C5orf63: variants seen among roughly 807,000 people sequenced by gnomAD.
C5orf63 encodes the protein chromosome 5 open reading frame 63.
C5orf63 carries 18 observed loss-of-function variants against 13.3 expected under a neutral mutation model. The ratio of observed to expected loss-of-function variants is 1.36; its 90% CI spans 0.94 to 2.01. The LOEUF (loss-of-function observed/expected upper bound fraction) is 2.01, where lower values mean the gene tolerates loss of function less well. Among genes scored for constraint, C5orf63 ranks in the 30% most tolerant of loss-of-function variants. C5orf63 has a pLI of 0.00. For synonymous variants in C5orf63, 38 were observed against 44.7 expected, an observed-to-expected ratio of 0.85 and a Z score of 0.60; for missense variants, 118 against 127.7, an observed-to-expected ratio of 0.92 and a Z score of 0.36.
intron 2 of C5orf63, among the ~76,000 whole-genome samples, chr5:127,066,131 A>T (rs1181839159): frequency 2.0e-5 from 3 of 152,196 alleles, no homozygotes; most frequent in Non-Finnish European, 4.4e-5. Context: ...ATTGAAAGAA[A>T]CAGAAAAGAT....
intron 3 of C5orf63, among the ~76,000 whole-genome samples, chr5:127,056,020 T>C (rs1025846823): frequency 1.3e-5 from 2 of 152,214 alleles, no homozygotes; most frequent in African/African-American, 4.8e-5. Context: ...TGTTATTTAC[T>C]CTGTCCCTAA....
chr5:127,047,919 T>C (rs1580521637), downstream of C5orf63: 1 of 679,376 alleles, frequency 1.5e-6, no homozygotes, highest in Non-Finnish European at 2.7e-6. Context: ...AGGGTTGCTA[T>C]GGGAGAAAGA....
At chr5:127,047,613 CT>C (rs1413280401), downstream of C5orf63, 8 of 663,444 alleles carry the variant, frequency 1.2e-5, no homozygotes, top group East Asian at 1.4e-4. Context: ...TATGGGATAC[CT>C]TCAGAAAGCA....
At chr5:127,061,248 C>A (rs1420524478) in intron 2 of C5orf63, among the ~76,000 whole-genome samples, 1 of 152,162 alleles carries the variant, frequency 6.6e-6, no homozygotes, top group Non-Finnish European at 1.5e-5. Context: ...TAATTAAATG[C>A]TAATCTTCAC....
rs576352947 is a variant in C5orf63 at position 127,051,767 on chromosome 5, T to G, written c.*4A>C. The G allele has an allele frequency of 6.7e-7, 1 of 1,496,088 alleles. No homozygotes were observed. Among genetic ancestry groups the G allele is most frequent in the East Asian group, 2.5e-5 (1 of 40,388 alleles). 92.7% of individuals were successfully genotyped at this position (1,496,088 alleles called of 1,614,324 possible). ...GAGAGGGTGGAAAATCATGAGGGCATCAGTCAGCCTCCAGTACTTTGCTGC... is the reference window on the plus strand; with the variant it reads ...GAGAGGGTGGAAAATCATGAGGGCAGCAGTCAGCCTCCAGTACTTTGCTGC... On this transcript the variant is annotated 3_prime_UTR_variant, in exon 5 of 5. Transcript: ENST00000296662.
At chr5:127,067,549 C>T (rs893324562) in intron 2 of C5orf63, among the ~76,000 whole-genome samples, 1 of 152,160 alleles carries the variant, frequency 6.6e-6, no homozygotes, top group African/African-American at 2.4e-5. Flanking sequence ...GACTGACTAG[C>T]AAATACCTTG....
chr5:127,065,607 C>A (rs1241976854), intron 2 of C5orf63, among the ~76,000 whole-genome samples: 1 of 152,086 alleles, frequency 6.6e-6, no homozygotes, highest in Non-Finnish European at 1.5e-5. Context: ...GGAAGGTGGA[C>A]TAGGATAAGC....
At chr5:127,059,878 G>A (rs1227131032) in intron 2 of C5orf63, among the ~76,000 whole-genome samples, 2 of 152,056 alleles carry the variant, frequency 1.3e-5, no homozygotes, top group Non-Finnish European at 2.9e-5. Context: ...AGGCGTGGTG[G>A]CTCACGCCTG....
At chr5:127,066,828 G>A (rs1156444400) in intron 2 of C5orf63, among the ~76,000 whole-genome samples, 3 of 152,092 alleles carry the variant, frequency 2.0e-5, no homozygotes, top group African/African-American at 7.2e-5. Context: ...AACATTTAGA[G>A]GTTGGATCAA....
chr5:127,055,135 T>C (rs1753828491), intron 3 of C5orf63, among the ~76,000 whole-genome samples: 1 of 152,226 alleles, frequency 6.6e-6, no homozygotes, highest in African/African-American at 2.4e-5. Context: ...TTTTGGTTAC[T>C]GTAGGCTTGG....
Position 127,066,822 on chromosome 5 carries a change from T to C in C5orf63, c.-8+4762A>G, listed in dbSNP as rs1220148032. Among the ~76,000 whole-genome samples, 4 of 151,702 alleles carry C rather than the reference T, an allele frequency of 2.6e-5. No individual in the cohort carries two copies. In the South Asian group the frequency reaches 8.3e-4, roughly 32 times the overall value. On this transcript the variant is annotated intron_variant, in intron 2 of 4. Transcript: ENST00000296662. ...GATAGATCTCTGAAGCAATCCAACA[T>C]TTAGAGGTTGGATCAAGAGGAACCA...
Position 127,051,835 on chromosome 5 carries a change from C to G in C5orf63, c.284G>C (p.Arg95Pro), listed in dbSNP as rs868205707. The change falls in exon 5 of 5, where the codon CGA becomes CCA. Residue 95 changes from arginine to proline, a missense_variant. Arg to Pro is a moderately radical substitution (Grantham distance 103). Transcript: ENST00000296662. Reference protein sequence around the residue: ...HLNGQFLMMHRVNTSKLEKQL... With the variant: ...HLNGQFLMMHPVNTSKLEKQL... ...TTTTTCAAGTTTTGAGGTGTTTACT[C>G]GATGCATCATCAGAAACTGGCCATT... 2.0e-6 allele frequency: 3 copies of G among 1,535,360 alleles called. No individual in the cohort carries two copies. The Admixed American group carries it at 5.9e-5, about 30-fold the overall frequency.
chr5:127,051,787 T>C lies in C5orf63; in HGVS notation c.332A>G (p.Gln111Arg). The C allele has an allele frequency of 6.6e-7, 1 of 1,523,426 alleles. No homozygotes were observed. Among genetic ancestry groups the C allele is most frequent in the South Asian group, 1.2e-5 (1 of 81,224 alleles). 94.4% of individuals were successfully genotyped at this position (1,523,426 alleles called of 1,614,324 possible). The change falls in exon 5 of 5, where the codon CAA becomes CGA. Residue 111 changes from glutamine to arginine, a missense_variant. By Grantham distance (43) the Gln-to-Arg change is conservative. Transcript: ENST00000296662. ...LEKQLLKLEQQSTGG is the reference protein window; with the variant it reads ...LEKQLLKLEQRSTGG ...GGGCATCAGTCAGCCTCCAGTACTT[T>C]GCTGCTCAAGTTTCAGGAGCTGTTT...
In C5orf63 at chr5:127,061,187, C is replaced by T. The variant is rs145639341; in HGVS notation, c.-7-2185G>A. ...GTACTGCAACTGGTTCTAACTCCTT[C>T]ACCACCACCTCAAATCTTGCCCTCC... On this transcript the variant is annotated intron_variant, in intron 2 of 4. Transcript: ENST00000296662. Among the ~76,000 whole-genome samples, 142 of 152,284 alleles carry T rather than the reference C, an allele frequency of 9.3e-4. 1 individual carries two copies. The highest frequency in any genetic ancestry group is 3.2e-3 in the African/African-American group (133 of 41,572).
intron 4 of C5orf63, 43 bp from the exon 5 acceptor site, chr5:127,051,990 G>A (rs78618698): frequency 0.019 from 26,181 of 1,388,550 alleles, 685 homozygotes; most frequent in South Asian, 0.11. Flanking sequence ...TAGACCATGG[G>A]GTGATGTAAC....
At chr5:127,062,147 G>A (rs1030098392) in intron 2 of C5orf63, among the ~76,000 whole-genome samples, 7 of 152,218 alleles carry the variant, frequency 4.6e-5, no homozygotes, top group Non-Finnish European at 8.8e-5. Flanking sequence ...GGTCTTGGTT[G>A]CACCCAAGAC....
chr5:127,048,060 C>T (rs1031410938), downstream of C5orf63: 4 of 562,600 alleles, frequency 7.1e-6, no homozygotes, highest in African/African-American at 7.6e-5. Flanking sequence ...GGAGACTGTA[C>T]CAATTACTGG....
rs13154281 is a variant in C5orf63 at position 127,073,496 on chromosome 5, C to G, written c.-155G>C. ...GCCTCTGCTTCCGCCCTGCGCCGGG[C>G]ACTTCCGCCCGCACCCACCAGGCGC... is the stretch of plus-strand genomic sequence containing the variant. On this transcript the variant is annotated 5_prime_UTR_variant, in exon 1 of 5. Transcript: ENST00000296662. The G allele has an allele frequency of 0.47, 72,108 of 152,306 alleles. 17,454 individuals carry two copies. Among genetic ancestry groups the G allele is most frequent in the East Asian group, 0.66 (3,397 of 5,154 alleles). The allele number at this position is 152,306 out of a possible 1,614,324, so 9.4% of individuals were successfully genotyped here.
At chr5:127,047,400 T>A (rs1224670275), downstream of C5orf63, 1 of 322,390 alleles carries the variant, frequency 3.1e-6, no homozygotes, top group African/African-American at 2.1e-5. Flanking sequence ...GACAGTGGGA[T>A]AATCAAACCA....
Sources: gnomAD v4.1 joint callset for allele counts (sites outside exome capture counted in the v4.1 genomes callset) on GRCh38, gnomAD v4.1.1 for gene constraint, MANE v1.5 for transcripts, NCBI Gene and HGNC (gene_info 2026-07-23, HGNC 2026-07-21) for gene names.